The following CDH18 variants were observed in gnomAD, a reference collection of about 807,000 sequenced individuals.
CDH18 encodes cadherin 18.
A neutral mutation model predicts 67.9 loss-of-function variants in CDH18; 31 were observed. The observed-to-expected ratio is 0.46, with a 90% confidence interval of 0.34 to 0.62. The LOEUF (loss-of-function observed/expected upper bound fraction) is 0.62. Among genes scored for constraint, CDH18 ranks in the 20% least tolerant of loss-of-function variants. The pLI is 0.01. For synonymous variants in CDH18, 362 were observed against 347.2 expected, an observed-to-expected ratio of 1.04 and a Z score of -0.48; for missense variants, 890 against 975.5, an observed-to-expected ratio of 0.91 and a Z score of 1.17.
At chr5:20,393,402 T>A (rs1745026032) in intron 1 of CDH18, among the ~76,000 whole-genome samples, 1 of 152,024 alleles carries the variant, frequency 6.6e-6, no homozygotes, top group South Asian at 2.1e-4. Flanking sequence ...TGTTATTTTT[T>A]AAATAACTAA....
At chr5:19,556,967 T>C (rs918062282) in intron 8 of CDH18, among the ~76,000 whole-genome samples, 2 of 152,020 alleles carry the variant, frequency 1.3e-5, no homozygotes, top group Non-Finnish European at 2.9e-5. Flanking sequence ...CTAGAAGAAA[T>C]TGAGGTCCTA....
At chr5:19,775,112 G>T (rs1774201893) in intron 3 of CDH18, among the ~76,000 whole-genome samples, 1 of 152,120 alleles carries the variant, frequency 6.6e-6, no homozygotes, top group African/African-American at 2.4e-5. Context: ...CAGTGAATGG[G>T]AAAAGCAAAT....
chr5:20,348,695 G>C (rs1428419356), intron 1 of CDH18, among the ~76,000 whole-genome samples: 2 of 152,142 alleles, frequency 1.3e-5, no homozygotes, highest in Non-Finnish European at 2.9e-5. Flanking sequence ...CAAACATAAA[G>C]TGAAGAGAGT....
chr5:19,768,282 A>G (rs1278182110), intron 3 of CDH18, among the ~76,000 whole-genome samples: 1 of 152,210 alleles, frequency 6.6e-6, no homozygotes, highest in African/African-American at 2.4e-5. Context: ...GGTGAATAAC[A>G]AAACAAACAA....
Position 20,165,400 on chromosome 5 carries a change from C to T in CDH18, c.-518+90044G>A, listed in dbSNP as rs890050421. ...TGTCATTTGAGGACTTACTTAAATT[C>T]GGATAACTTTACTAACAATCATGAC... On this transcript the variant is annotated intron_variant, in intron 2 of 14. Transcript: ENST00000507958. Among the ~76,000 whole-genome samples the T allele has an allele frequency of 5.3e-5, 8 of 152,006 alleles. No individual in the cohort carries two copies. The South Asian group carries it at 6.2e-4, about 12-fold the overall frequency.
At chr5:20,517,761 A>AG (rs1264757408) in intron 1 of CDH18, among the ~76,000 whole-genome samples, 2 of 152,098 alleles carry the variant, frequency 1.3e-5, no homozygotes, top group Non-Finnish European at 2.9e-5. Flanking sequence ...AAAACACCAA[A>AG]GAAAAAATCT....
chr5:20,553,980 C>A (rs993062151), intron 1 of CDH18, among the ~76,000 whole-genome samples: 17 of 152,122 alleles, frequency 1.1e-4, no homozygotes, highest in African/African-American at 4.1e-4. Context: ...TCTTACATAC[C>A]AGTCACCATG....
intron 1 of CDH18, among the ~76,000 whole-genome samples, chr5:20,509,685 C>T (rs1754903116): frequency 6.6e-6 from 1 of 152,230 alleles, no homozygotes; most frequent in Non-Finnish European, 1.5e-5. Flanking sequence ...TCCTAAAGTG[C>T]TGGGATTACA....
intron 9 of CDH18, among the ~76,000 whole-genome samples, chr5:19,540,310 A>G (rs1329715962): frequency 6.6e-6 from 1 of 152,054 alleles, no homozygotes; most frequent in African/African-American, 2.4e-5. Context: ...TTTGCAGGGT[A>G]CAAGACCCCT....
chr5:20,348,886 C>G (rs891542525), intron 1 of CDH18, among the ~76,000 whole-genome samples: 1 of 152,066 alleles, frequency 6.6e-6, no homozygotes, highest in Non-Finnish European at 1.5e-5. Context: ...TTGTGCAAGC[C>G]CTAAAACATT....
intron 1 of CDH18, among the ~76,000 whole-genome samples, chr5:20,259,335 T>A (rs1744475963): frequency 6.6e-6 from 1 of 152,102 alleles, no homozygotes; most frequent in South Asian, 2.1e-4. Flanking sequence ...TCAGAGCTTT[T>A]AAATGATGAA....
chr5:19,710,544 T>C (rs1764576739), intron 5 of CDH18, among the ~76,000 whole-genome samples: 1 of 152,132 alleles, frequency 6.6e-6, no homozygotes, highest in South Asian at 2.1e-4. Flanking sequence ...CCAAAAATAT[T>C]TAGTTTTCTA....
chr5:20,303,945 G>C (rs1736179184), intron 1 of CDH18: 1 of 698,532 alleles, frequency 1.4e-6, no homozygotes, highest in African/African-American at 1.8e-5. Flanking sequence ...TAAGTTATCT[G>C]TAAGTTCTTA....
intron 1 of CDH18, among the ~76,000 whole-genome samples, chr5:20,345,591 G>A (rs140630731): frequency 6.6e-6 from 1 of 151,808 alleles, no homozygotes; most frequent in Non-Finnish European, 1.5e-5. Flanking sequence ...ATTATGAATG[G>A]CTTTTTTATA....
intron 2 of CDH18, among the ~76,000 whole-genome samples, chr5:20,000,769 G>C (rs1736380621): frequency 6.6e-6 from 1 of 151,712 alleles, no homozygotes; most frequent in Admixed American, 6.6e-5. Context: ...GATGATGAGA[G>C]AAAGAAAGAG....
chr5:19,808,832 C>CAAAAAAAAAAAA (rs1173922790), intron 3 of CDH18, among the ~76,000 whole-genome samples: 1 of 53,938 alleles, frequency 1.9e-5, no homozygotes, highest in Non-Finnish European at 3.2e-5. Context: ...AACTCTGTCT[C>CAAAAAAAAAAAA]AAAAAAAAAA....
intron 8 of CDH18, among the ~76,000 whole-genome samples, chr5:19,569,358 G>A (rs1740974938): frequency 6.6e-6 from 1 of 152,096 alleles, no homozygotes; most frequent in Non-Finnish European, 1.5e-5. Context: ...ATTGCCTCCA[G>A]AAAGTTTTGG....
At chr5:20,498,441 C>T (rs2126423899) in intron 1 of CDH18, among the ~76,000 whole-genome samples, 1 of 152,096 alleles carries the variant, frequency 6.6e-6, no homozygotes, top group East Asian at 1.9e-4. Context: ...TTGGAGATTG[C>T]TTGATCATAA....
At chr5:19,632,516 T>C (rs906284790) in intron 5 of CDH18, among the ~76,000 whole-genome samples, 1 of 152,234 alleles carries the variant, frequency 6.6e-6, no homozygotes, top group South Asian at 2.1e-4. Flanking sequence ...AGTTTTCATG[T>C]CATTGTTATT....
Sources: gnomAD v4.1 joint callset for allele counts (sites outside exome capture counted in the v4.1 genomes callset) on GRCh38, gnomAD v4.1.1 for gene constraint, MANE v1.5 for transcripts, NCBI Gene and HGNC (gene_info 2026-07-23, HGNC 2026-07-21) for gene names.